The following PDE4D variants were observed in gnomAD, a reference collection of about 807,000 sequenced individuals.
PDE4D encodes the protein phosphodiesterase 4D.
Under a neutral mutation model 87.4 loss-of-function variants are expected in PDE4D, and 24 were observed. The ratio of observed to expected loss-of-function variants is 0.27; its 90% CI spans 0.20 to 0.39. The LOEUF (loss-of-function observed/expected upper bound fraction) is 0.39, where lower values mean the gene tolerates loss of function less well. PDE4D is among the 10% of genes least tolerant of loss of function. The probability of loss-of-function intolerance (pLI) is 1.00; values close to 1 mark genes in which losing one functional copy is unlikely to be tolerated. For synonymous variants in PDE4D, 384 were observed against 383.2 expected (o/e 1.00, Z -0.02); for missense variants, 714 against 1,041.0 (o/e 0.69, Z 4.32).
At chr5:59,386,869 A>G (rs917898163) in intron 1 of PDE4D, among the ~76,000 whole-genome samples, 2 of 152,276 alleles carry the variant, frequency 1.3e-5, no homozygotes, top group East Asian at 1.9e-4. Context: ...ATTGCTAAAC[A>G]CTTAAAAACC....
intron 2 of PDE4D, among the ~76,000 whole-genome samples, chr5:60,166,712 G>T (rs541134462): frequency 2.2e-4 from 33 of 152,268 alleles, no homozygotes; most frequent in African/African-American, 7.9e-4. Flanking sequence ...CCAGCTTGAA[G>T]AACTCCATTA....
chr5:59,218,446 C>G (rs973999731), intron 1 of PDE4D, among the ~76,000 whole-genome samples: 5 of 151,936 alleles, frequency 3.3e-5, no homozygotes, highest in African/African-American at 1.2e-4. Context: ...TGCTAAATAC[C>G]TTAAGTCATT....
chr5:59,893,446 C>T lies in PDE4D; in HGVS notation c.177G>A (p.Pro59=). ...GGGGCTGGGGCGAGGGTGGCGGCGGCGGGGGCAGGTGGTGATGGGGATGCA... is the reference window on the plus strand; with the variant it reads ...GGGGCTGGGGCGAGGGTGGCGGCGGTGGGGGCAGGTGGTGATGGGGATGCA... ...RLLHPHHHLP[P]PPPPSPQPQP... Residue 59 remains proline, a synonymous_variant, in exon 1 of 15, where the codon CCG becomes CCA. Transcript: ENST00000340635. 1 of 1,508,046 alleles carries T rather than the reference C, an allele frequency of 6.6e-7. No individual in the cohort carries two copies. The highest frequency in any genetic ancestry group is 2.7e-5 in the East Asian group (1 of 37,494). 93.4% of individuals were successfully genotyped at this position (1,508,046 alleles called of 1,614,324 possible).
chr5:59,252,487 A>C (rs968537166), intron 1 of PDE4D, among the ~76,000 whole-genome samples: 2 of 152,036 alleles, frequency 1.3e-5, no homozygotes, highest in African/African-American at 4.8e-5. Context: ...ATTTTCTAAT[A>C]ACTGAATAAT....
intron 2 of PDE4D, among the ~76,000 whole-genome samples, chr5:59,993,548 C>G (rs1274433557): frequency 6.6e-6 from 1 of 151,838 alleles, no homozygotes; most frequent in Non-Finnish European, 1.5e-5. Context: ...ACAATAATAT[C>G]AAAACAAAAC....
At chr5:59,683,651 T>C (rs1749396544) in intron 1 of PDE4D, among the ~76,000 whole-genome samples, 1 of 152,194 alleles carries the variant, frequency 6.6e-6, no homozygotes, top group South Asian at 2.1e-4. Flanking sequence ...ATCTCACACC[T>C]GAGATTAAGA....
chr5:59,355,013 A>C (rs1253857132), intron 1 of PDE4D, among the ~76,000 whole-genome samples: 1 of 152,218 alleles, frequency 6.6e-6, no homozygotes, highest in Non-Finnish European at 1.5e-5. Context: ...CTTCCGAAGG[A>C]AACTGACTCA....
At chr5:60,478,466 T>C (rs1428009988) in intron 1 of PDE4D, among the ~76,000 whole-genome samples, 2 of 152,122 alleles carry the variant, frequency 1.3e-5, no homozygotes, top group African/African-American at 2.4e-5. Context: ...CTCATTTCCG[T>C]AGCACTAGAG....
At chr5:59,936,580 T>A (rs992543251) in intron 3 of PDE4D, among the ~76,000 whole-genome samples, 1 of 152,198 alleles carries the variant, frequency 6.6e-6, no homozygotes, top group Non-Finnish European at 1.5e-5. Flanking sequence ...CATTGTGAGA[T>A]AATAACTGGG....
intron 2 of PDE4D, among the ~76,000 whole-genome samples, chr5:60,108,742 A>T (rs1321094632): frequency 6.6e-6 from 1 of 152,200 alleles, no homozygotes; most frequent in African/African-American, 2.4e-5. Context: ...CAAACCTGAG[A>T]AAAACAAGCA....
chr5:59,555,487 CT>C (rs1351348337), intron 1 of PDE4D, among the ~76,000 whole-genome samples: 1 of 152,066 alleles, frequency 6.6e-6, no homozygotes, highest in Non-Finnish European at 1.5e-5. Flanking sequence ...ATATGTACCC[CT>C]GAACCTAAAA....
intron 1 of PDE4D, among the ~76,000 whole-genome samples, chr5:60,282,266 C>A (rs1228299969): frequency 7.0e-6 from 1 of 143,710 alleles, no homozygotes; most frequent in Non-Finnish European, 1.5e-5. Flanking sequence ...ATTTGTCAGG[C>A]AAGACTATTC....
intron 1 of PDE4D, among the ~76,000 whole-genome samples, chr5:59,444,578 C>A (rs894684646): frequency 2.6e-5 from 4 of 152,024 alleles, no homozygotes; most frequent in African/African-American, 9.7e-5. Context: ...TTTGGGAGGC[C>A]GAGGCGGGCG....
rs116575704 is a variant in PDE4D, at chr5:59,658,142, G to A, written c.455+235026C>T. On this transcript the variant is annotated intron_variant, in intron 1 of 14. Transcript: ENST00000340635. ...ATTACAAATATACCATTTACTGTTCGCTTACTCTATGCCAGGTATAAGGAT... is the reference window on the plus strand; with the variant it reads ...ATTACAAATATACCATTTACTGTTCACTTACTCTATGCCAGGTATAAGGAT... Among the ~76,000 whole-genome samples, 610 of 152,032 alleles carry A rather than the reference G, an allele frequency of 4.0e-3. 5 individuals are homozygous for A. The highest frequency in any genetic ancestry group is 0.014 in the African/African-American group (579 of 41,492).
intron 1 of PDE4D, among the ~76,000 whole-genome samples, chr5:60,377,222 A>T (rs1761503082): frequency 6.6e-6 from 1 of 152,146 alleles, no homozygotes. Context: ...TATTTTACAC[A>T]CTATGAGGAC....
chr5:60,394,225 A>AT (rs1460201180), intron 1 of PDE4D, among the ~76,000 whole-genome samples: 3 of 152,198 alleles, frequency 2.0e-5, no homozygotes, highest in Non-Finnish European at 4.4e-5. Context: ...CATACAAAGA[A>AT]TTTTTTGGCA....
chr5:60,009,877 C>T (rs377121444), intron 2 of PDE4D, among the ~76,000 whole-genome samples: 17 of 152,078 alleles, frequency 1.1e-4, no homozygotes, highest in South Asian at 6.2e-4. Flanking sequence ...TCACATTTCA[C>T]GTTTTGTTTA....
At position 59,536,504 on chromosome 5, in the gene PDE4D, C is replaced by CAAAAAA. The variant is rs10586960; in HGVS notation, c.456-320542_456-320537dup. ...TGGGCAACAGAGCAAGACTCAGCCT[C>CAAAAAA]AAAAAAAAAAAAAAAAAAAAAAAAA... On this transcript the variant is annotated intron_variant, in intron 1 of 14. Coordinates refer to ENST00000340635, the MANE Select transcript of PDE4D (RefSeq NM_001104631.2). 6.9e-4 allele frequency among the ~76,000 whole-genome samples: 39 copies of CAAAAAA among 56,372 alleles called. 1 individual carries two copies. Among genetic ancestry groups the CAAAAAA allele is most frequent in the African/African-American group, 2.9e-3 (31 of 10,698 alleles). The allele number at this position is 56,372 out of a possible 152,430, so 37.0% of individuals were successfully genotyped here. A position where few individuals can be genotyped will look rare whatever the true frequency, so the allele number is the denominator to read the frequency against.
intron 2 of PDE4D, among the ~76,000 whole-genome samples, chr5:60,050,759 A>G (rs1458881575): frequency 3.3e-5 from 5 of 152,248 alleles, no homozygotes; most frequent in Admixed American, 1.3e-4. Flanking sequence ...TAAAGAGGCA[A>G]GATCCATTGT....
Sources: gnomAD v4.1 joint callset for allele counts (sites outside exome capture counted in the v4.1 genomes callset) on GRCh38, gnomAD v4.1.1 for gene constraint, MANE v1.5 for transcripts, NCBI Gene and HGNC (gene_info 2026-07-23, HGNC 2026-07-21) for gene names.